The following ATRNL1 variants were observed in gnomAD, a reference collection of about 807,000 sequenced individuals.
ATRNL1 encodes attractin-like protein 1.
In ATRNL1, 95 loss-of-function variants were observed where a neutral mutation model predicts 182.7. The ratio of observed to expected loss-of-function variants is 0.52; its 90% CI spans 0.44 to 0.62. The LOEUF (loss-of-function observed/expected upper bound fraction) is 0.62, where lower values mean the gene tolerates loss of function less well. Ranked by LOEUF, ATRNL1 falls within the 20% of genes least tolerant of loss-of-function variation. The pLI is 0.00. For synonymous variants in ATRNL1, 576 were observed against 568.3 expected, an observed-to-expected ratio of 1.01 and a Z score of -0.19; for missense variants, 1,471 against 1,679.5, an observed-to-expected ratio of 0.88 and a Z score of 2.17.
chr10:115,864,072 A>AAG (rs1431573211), intron 28 of ATRNL1, among the ~76,000 whole-genome samples: 1 of 152,216 alleles, frequency 6.6e-6, no homozygotes. Flanking sequence ...CAGCCCGGTC[A>AAG]ATATGATAAA....
intron 26 of ATRNL1, among the ~76,000 whole-genome samples, chr10:115,635,288 AAGAT>A (rs1445964406): frequency 3.9e-5 from 6 of 152,028 alleles, no homozygotes; most frequent in East Asian, 1.9e-4. Context: ...TCAATGAAAA[AAGAT>A]AGAGACAACA....
intron 27 of ATRNL1, among the ~76,000 whole-genome samples, chr10:115,760,079 A>C (rs1948698040): frequency 1.3e-5 from 2 of 151,672 alleles, no homozygotes; most frequent in African/African-American, 4.8e-5. Context: ...AGTCAAAACA[A>C]AGAACTATAT....
At chr10:115,871,644 T>C (rs1951589465) in intron 28 of ATRNL1, among the ~76,000 whole-genome samples, 1 of 151,952 alleles carries the variant, frequency 6.6e-6, no homozygotes, top group Non-Finnish European at 1.5e-5. Context: ...GACATGACCA[T>C]GGACATGAGG....
At chr10:115,741,322 G>A (rs782503570) in intron 27 of ATRNL1, among the ~76,000 whole-genome samples, 2 of 152,122 alleles carry the variant, frequency 1.3e-5, no homozygotes, top group Admixed American at 6.5e-5. Flanking sequence ...TAAAATGTCA[G>A]TAGGCAGAGA....
chr10:115,887,077 TA>T (rs1951962619), intron 28 of ATRNL1, among the ~76,000 whole-genome samples: 2 of 152,310 alleles, frequency 1.3e-5, no homozygotes, highest in East Asian at 1.9e-4. Context: ...GTGAACATGT[TA>T]AAAATGCATC....
intron 26 of ATRNL1, among the ~76,000 whole-genome samples, chr10:115,647,135 C>CT: frequency 6.6e-6 from 1 of 152,004 alleles, no homozygotes; most frequent in South Asian, 2.1e-4. Context: ...TGAACTCATC[C>CT]TTTTTATGGC....
At chr10:115,799,991 C>T (rs1429838864) in intron 27 of ATRNL1, among the ~76,000 whole-genome samples, 4 of 151,932 alleles carry the variant, frequency 2.6e-5, no homozygotes, top group Non-Finnish European at 5.9e-5. Context: ...GAGGCCGAGG[C>T]GGGTGGATCA....
intron 24 of ATRNL1, among the ~76,000 whole-genome samples, chr10:115,506,805 T>C (rs1850137066): frequency 6.6e-6 from 1 of 152,034 alleles, no homozygotes; most frequent in African/African-American, 2.4e-5. Context: ...CAAGCACCAA[T>C]AGGAGATTTG....
intron 17 of ATRNL1, among the ~76,000 whole-genome samples, chr10:115,312,854 G>C (rs1359835999): frequency 6.6e-6 from 1 of 151,788 alleles, no homozygotes; most frequent in Non-Finnish European, 1.5e-5. Context: ...CAAAAGCTTT[G>C]TCTATGAGGT....
At chr10:115,136,781 T>C (rs528552476) in intron 5 of ATRNL1, among the ~76,000 whole-genome samples, 1 of 152,340 alleles carries the variant, frequency 6.6e-6, no homozygotes, top group African/African-American at 2.4e-5. Context: ...AGCTAATTCC[T>C]TTTCAGCACT....
At chr10:115,455,512 G>A (rs1343820532) in intron 21 of ATRNL1, among the ~76,000 whole-genome samples, 1 of 152,062 alleles carries the variant, frequency 6.6e-6, no homozygotes, top group Non-Finnish European at 1.5e-5. Flanking sequence ...TTTAAAGTAA[G>A]ACCTATAACC....
chr10:115,289,822 C>G (rs1387984838), intron 15 of ATRNL1, among the ~76,000 whole-genome samples: 1 of 152,142 alleles, frequency 6.6e-6, no homozygotes, highest in Non-Finnish European at 1.5e-5. Flanking sequence ...AGTTTGATAG[C>G]TCTAGCTTTG....
At chr10:115,094,172 C>T (rs920860499) in intron 1 of ATRNL1, 129 bp downstream of exon 1, 4 of 1,005,322 alleles carry the variant, frequency 4.0e-6, no homozygotes, top group African/African-American at 1.7e-5. Context: ...TGAACCTCAG[C>T]GCGCGGCGGG....
chr10:115,397,552 G>C (rs1453582607), intron 20 of ATRNL1, among the ~76,000 whole-genome samples: 2 of 151,876 alleles, frequency 1.3e-5, no homozygotes, highest in African/African-American at 4.8e-5. Context: ...TTGTTTAATA[G>C]AATGGAATGA....
At chr10:115,527,603 G>T (rs1554986897) in intron 25 of ATRNL1, among the ~76,000 whole-genome samples, 10 of 152,072 alleles carry the variant, frequency 6.6e-5, no homozygotes. Context: ...TTGTGTCTAT[G>T]GAGGTTTTTA....
At chr10:115,807,241 G>C (rs113100661) in intron 27 of ATRNL1, among the ~76,000 whole-genome samples, 3 of 151,658 alleles carry the variant, frequency 2.0e-5, no homozygotes, top group African/African-American at 7.3e-5. Flanking sequence ...TCAGCCTCCC[G>C]AGTAGCTGGG....
intron 27 of ATRNL1, among the ~76,000 whole-genome samples, chr10:115,805,437 G>T (rs1444558596): frequency 6.6e-6 from 1 of 152,096 alleles, no homozygotes; most frequent in South Asian, 2.1e-4. Flanking sequence ...TCATAAACCC[G>T]TAAAATAATG....
chr10:115,341,464 A>G (rs543648010), intron 19 of ATRNL1, among the ~76,000 whole-genome samples: 1 of 152,248 alleles, frequency 6.6e-6, no homozygotes, highest in South Asian at 2.1e-4. Context: ...TGTGGTGAGG[A>G]AAATAATGTG....
Position 115,477,632 on chromosome 10 carries a change from G to A in ATRNL1, c.3654+8303G>A, listed in dbSNP as rs534066490. ...GGACTTGGATTCACAACCCCAATAA[G>A]GAAAAAAATATCTGAAGAAATAATT... On this transcript the variant is annotated intron_variant, in intron 24 of 28. Transcript: ENST00000355044. 2.6e-5 allele frequency among the ~76,000 whole-genome samples: 4 copies of A among 151,370 alleles called. No individual in the cohort carries two copies. The East Asian group carries it at 5.9e-4, about 22-fold the overall frequency.
Sources: allele counts gnomAD v4.1 joint callset (sites outside exome capture counted in the v4.1 genomes callset), GRCh38; gene constraint gnomAD v4.1.1; transcripts MANE v1.5; gene names NCBI Gene and HGNC (gene_info 2026-07-23, HGNC 2026-07-21).